Variants in GPC6 observed in about 807,000 individuals in gnomAD.
GPC6 encodes the protein glypican-6.
In GPC6, 14 loss-of-function variants were observed where a neutral mutation model predicts 55.2. The ratio of observed to expected loss-of-function variants is 0.25; its 90% CI spans 0.17 to 0.40. The LOEUF is 0.40. Among genes scored for constraint, GPC6 ranks in the 10% least tolerant of loss-of-function variants. GPC6 has a pLI of 1.00. For missense variants in GPC6, 641 were observed against 708.5 expected, an observed-to-expected ratio of 0.90 and a Z score of 1.08; for synonymous variants, 278 against 259.6, an observed-to-expected ratio of 1.07 and a Z score of -0.68.
intron 2 of GPC6, among the ~76,000 whole-genome samples, chr13:93,822,848 T>G (rs1887102878): frequency 6.9e-6 from 1 of 145,472 alleles, no homozygotes; most frequent in Admixed American, 6.8e-5. Context: ...ATTATTATTA[T>G]TATTATTTTA....
rs184893752 is a variant in GPC6, at chr13:93,911,929, A to G, written c.711+81384A>G. On this transcript the variant is annotated intron_variant, in intron 3 of 8. Transcript: ENST00000377047. Reference sequence around the variant, plus strand: ...GGCATAGTGGTGTGAAGTGTAATGTACAAGTGATTTCATACAGCTGAGTGC... The same window carrying G: ...GGCATAGTGGTGTGAAGTGTAATGTGCAAGTGATTTCATACAGCTGAGTGC... Among the ~76,000 whole-genome samples, 257 of 152,340 alleles carry G rather than the reference A, an allele frequency of 1.7e-3. 1 individual carries two copies. The highest frequency in any genetic ancestry group is 3.4e-3 in the Middle Eastern group (1 of 294).
rs146686801 is a variant in GPC6, at chr13:94,184,643, G to A, written c.878-101706G>A. Among the ~76,000 whole-genome samples the A allele has an allele frequency of 1.4e-4, 22 of 152,188 alleles. No individual in the cohort carries two copies. In the East Asian group the frequency reaches 3.9e-3, roughly 27 times the overall value. ...ATTATTAAAAAGCCAAAAAACAACA[G>A]ATGCCGATTGGGCTGCAGAGAAAAG... On this transcript the variant is annotated intron_variant, in intron 4 of 8. Coordinates refer to ENST00000377047, the MANE Select transcript of GPC6 (RefSeq NM_005708.5).
At chr13:93,595,666 A>C (rs879818541) in intron 2 of GPC6, among the ~76,000 whole-genome samples, 1 of 152,184 alleles carries the variant, frequency 6.6e-6, no homozygotes, top group Non-Finnish European at 1.5e-5. Flanking sequence ...TGTACATAAA[A>C]AGATGATGGG....
chr13:94,145,136 G>A (rs1566462637), intron 4 of GPC6, among the ~76,000 whole-genome samples: 1 of 111,916 alleles, frequency 8.9e-6, no homozygotes, highest in African/African-American at 3.5e-5. Context: ...TGGATGGATG[G>A]GTGGATGGAT....
intron 1 of GPC6, among the ~76,000 whole-genome samples, chr13:93,483,660 T>A (rs9524084): frequency 0.34 from 51,140 of 152,020 alleles, 9,074 homozygotes; most frequent in East Asian, 0.61. Flanking sequence ...TAGTGTAATT[T>A]AGTAATAAAA....
intron 4 of GPC6, among the ~76,000 whole-genome samples, chr13:94,252,892 G>A (rs926350698): frequency 6.6e-6 from 1 of 151,300 alleles, no homozygotes; most frequent in Non-Finnish European, 1.5e-5. Context: ...GCTGTTTCCA[G>A]TGAAAGATAA....
At chr13:93,476,989 T>A (rs1879324652) in intron 1 of GPC6, among the ~76,000 whole-genome samples, 1 of 152,120 alleles carries the variant, frequency 6.6e-6, no homozygotes, top group South Asian at 2.1e-4. Context: ...ATCCACTTTC[T>A]AAATGAGCTG....
chr13:94,271,053 A>C (rs558654305), intron 4 of GPC6, among the ~76,000 whole-genome samples: 2 of 127,078 alleles, frequency 1.6e-5, no homozygotes, highest in South Asian at 5.1e-4. Context: ...GCAGTGGCGC[A>C]ATCTCGGCTC....
At chr13:94,068,932 A>G (rs1009925538) in intron 4 of GPC6, among the ~76,000 whole-genome samples, 6 of 152,184 alleles carry the variant, frequency 3.9e-5, no homozygotes, top group African/African-American at 1.4e-4. Flanking sequence ...GCAAGCTATC[A>G]GTGGATCTAC....
intron 3 of GPC6, among the ~76,000 whole-genome samples, chr13:94,022,011 T>C (rs755685018): frequency 6.6e-6 from 1 of 152,068 alleles, no homozygotes; most frequent in Non-Finnish European, 1.5e-5. Context: ...ATGTTTAAGA[T>C]ACATGGACAT....
At chr13:94,248,873 A>G (rs991332155) in intron 4 of GPC6, among the ~76,000 whole-genome samples, 11 of 152,088 alleles carry the variant, frequency 7.2e-5, no homozygotes, top group African/African-American at 2.7e-4. Flanking sequence ...TTATGATACT[A>G]TTGTAAAAGT....
chr13:93,982,916 G>C (rs544052212), intron 3 of GPC6, among the ~76,000 whole-genome samples: 12 of 152,292 alleles, frequency 7.9e-5, no homozygotes, highest in African/African-American at 2.9e-4. Flanking sequence ...TTATATCTGG[G>C]AAATCCAATT....
At chr13:94,365,771 T>G (rs952176103) in intron 6 of GPC6, among the ~76,000 whole-genome samples, 1 of 152,202 alleles carries the variant, frequency 6.6e-6, no homozygotes, top group Non-Finnish European at 1.5e-5. Context: ...AAGTAAGATA[T>G]CATGCTCAGT....
chr13:93,719,983 G>A (rs181686252), intron 2 of GPC6, among the ~76,000 whole-genome samples: 109 of 152,144 alleles, frequency 7.2e-4, no homozygotes, highest in African/African-American at 2.6e-3. Flanking sequence ...GATTTGGGTT[G>A]CCAGTATTTT....
At chr13:93,241,414 T>C (rs1046857980) in intron 1 of GPC6, among the ~76,000 whole-genome samples, 1 of 152,224 alleles carries the variant, frequency 6.6e-6, no homozygotes, top group East Asian at 1.9e-4. Flanking sequence ...TTATTTCTTT[T>C]GCTTGGTCTA....
intron 3 of GPC6, among the ~76,000 whole-genome samples, chr13:93,914,211 C>A (rs536057282): frequency 2.6e-5 from 4 of 152,014 alleles, no homozygotes; most frequent in Admixed American, 6.6e-5. Flanking sequence ...TGCTATCCCT[C>A]CCCCCTCTCC....
intron 3 of GPC6, among the ~76,000 whole-genome samples, chr13:94,000,171 A>T (rs1382449020): frequency 6.6e-6 from 1 of 152,166 alleles, no homozygotes. Flanking sequence ...TCTTCCCTGA[A>T]ACCCCAACTA....
chr13:93,236,729 G>A (rs1876247580), intron 1 of GPC6, among the ~76,000 whole-genome samples: 1 of 152,070 alleles, frequency 6.6e-6, no homozygotes, highest in South Asian at 2.1e-4. Context: ...ACCATTCCCT[G>A]GTGCCAAAAA....
At chr13:93,478,409 C>T (rs1879380778) in intron 1 of GPC6, among the ~76,000 whole-genome samples, 1 of 152,170 alleles carries the variant, frequency 6.6e-6, no homozygotes, top group African/African-American at 2.4e-5. Flanking sequence ...CTTCACCAGA[C>T]AGTATAGTTT....
Sources: allele counts gnomAD v4.1 joint callset (sites outside exome capture counted in the v4.1 genomes callset), GRCh38; gene constraint gnomAD v4.1.1; transcripts MANE v1.5; gene names NCBI Gene and HGNC (gene_info 2026-07-23, HGNC 2026-07-21).